Variants in SCG3 observed in about 807,000 individuals in gnomAD.
SCG3 encodes the protein secretogranin III.
In SCG3, 38 loss-of-function variants were observed where a neutral mutation model predicts 56.2. The observed-to-expected ratio is 0.68, with a 90% confidence interval of 0.52 to 0.89. The LOEUF is 0.89. Ranked by LOEUF, SCG3 falls within the 40% of genes least tolerant of loss-of-function variation. SCG3 has a pLI of 0.00. For synonymous variants in SCG3, 176 were observed against 184.2 expected, an observed-to-expected ratio of 0.96 and a Z score of 0.36; for missense variants, 524 against 540.7, an observed-to-expected ratio of 0.97 and a Z score of 0.31.
chr15:51,709,724 T>TA (rs2055406298), intron 10 of SCG3, among the ~76,000 whole-genome samples: 28 of 67,502 alleles, frequency 4.1e-4, no homozygotes, highest in South Asian at 6.2e-4. Context: ...TTTTTTTTTT[T>TA]TTTTTTTTTT....
Position 51,681,730 on chromosome 15 carries a change from C to T in SCG3, c.-26C>T. ...ACAGCTCCAGGAGCCCAGCGCCGGG[C>T]TGTGACCCAAGCCGAGCGTGGAAGA... On this transcript the variant is annotated 5_prime_UTR_variant, in exon 1 of 12. Coordinates refer to ENST00000220478, the MANE Select transcript of SCG3 (RefSeq NM_013243.4). 1.3e-6 allele frequency: 2 copies of T among 1,578,718 alleles called. No homozygotes were observed. The highest frequency in any genetic ancestry group is 1.7e-6 in the Non-Finnish European group (2 of 1,154,768).
chr15:51,690,410 C>T (rs78465903), intron 6 of SCG3, among the ~76,000 whole-genome samples: 8,589 of 152,162 alleles, frequency 0.056, 781 homozygotes, highest in African/African-American at 0.2. Context: ...CTCTGTAAAG[C>T]ACCCAGACCC....
intron 10 of SCG3, among the ~76,000 whole-genome samples, chr15:51,710,187 G>C (rs768839465): frequency 1.3e-5 from 2 of 152,038 alleles, no homozygotes; most frequent in African/African-American, 2.4e-5. Flanking sequence ...TGTCAGTCTT[G>C]TTCTAGGCAG....
intron 11 of SCG3, among the ~76,000 whole-genome samples, chr15:51,718,041 A>C (rs1483960665): frequency 6.6e-6 from 1 of 152,218 alleles, no homozygotes; most frequent in Non-Finnish European, 1.5e-5. Context: ...CAGGTCAGAG[A>C]GAAAGATTCT....
chr15:51,712,868 C>T (rs1261004194), intron 10 of SCG3, among the ~76,000 whole-genome samples: 2 of 152,212 alleles, frequency 1.3e-5, no homozygotes, highest in Non-Finnish European at 1.5e-5. Context: ...GAGCTGCTTA[C>T]ACAAAGCCAC....
intron 10 of SCG3, among the ~76,000 whole-genome samples, chr15:51,709,676 TATATATATATATATATATATATATA>T (rs1405595894): frequency 1.1e-3 from 13 of 11,396 alleles, no homozygotes; most frequent in African/African-American, 3.4e-3. Flanking sequence ...TATATATATA[TATATATATATATATATATATATATA>T]TTTTTTTTTT....
intron 10 of SCG3, among the ~76,000 whole-genome samples, chr15:51,709,678 TATATATATATATATA>T: frequency 8.3e-5 from 1 of 12,114 alleles, no homozygotes; most frequent in Non-Finnish European, 2.0e-4. Context: ...TATATATATA[TATATATATATATATA>T]TATATATATT....
chr15:51,686,668 G>A (rs1388623657), intron 4 of SCG3, among the ~76,000 whole-genome samples: 6 of 126,220 alleles, frequency 4.8e-5, no homozygotes, highest in African/African-American at 1.7e-4. Flanking sequence ...CAGCCAGGAG[G>A]AGAACTGATT....
chr15:51,707,182 C>T (rs1369522392), intron 10 of SCG3, among the ~76,000 whole-genome samples: 1 of 152,060 alleles, frequency 6.6e-6, no homozygotes, highest in Non-Finnish European at 1.5e-5. Context: ...CATTCCAGTG[C>T]TATCATTTAA....
At chr15:51,715,237 G>A (rs1239952491) in intron 11 of SCG3, 1 of 152,172 alleles carries the variant, frequency 6.6e-6, no homozygotes, top group African/African-American at 2.4e-5. Context: ...CATTGGGTTC[G>A]ATGCTCCCTT....
At chr15:51,695,736 G>A in intron 7 of SCG3, 139 bp from the exon 8 acceptor site, 1 of 602,470 alleles carries the variant, frequency 1.7e-6, no homozygotes, top group Admixed American at 3.0e-5. Flanking sequence ...ATTCCAGCCT[G>A]GGCCACACAG....
At chr15:51,690,952 G>A (rs929307117) in intron 6 of SCG3, among the ~76,000 whole-genome samples, 2 of 152,186 alleles carry the variant, frequency 1.3e-5, no homozygotes, top group Non-Finnish European at 2.9e-5. Context: ...AGTGGAAGAG[G>A]TAGATCATGT....
chr15:51,703,824 T>G (rs923844940), intron 10 of SCG3, among the ~76,000 whole-genome samples: 1 of 152,300 alleles, frequency 6.6e-6, no homozygotes, highest in South Asian at 2.1e-4. Flanking sequence ...TTTTCCTATC[T>G]TATACATTTT....
intron 10 of SCG3, among the ~76,000 whole-genome samples, chr15:51,708,673 G>A (rs2055391359): frequency 6.6e-6 from 1 of 152,142 alleles, no homozygotes; most frequent in South Asian, 2.1e-4. Flanking sequence ...GGCTAACATG[G>A]TGAAACCCCG....
At chr15:51,696,348 G>A (rs1046371533) in intron 8 of SCG3, among the ~76,000 whole-genome samples, 13 of 152,106 alleles carry the variant, frequency 8.5e-5, no homozygotes. Flanking sequence ...CCAAGAGTTC[G>A]AGACCAGCTT....
intron 10 of SCG3, among the ~76,000 whole-genome samples, chr15:51,704,240 C>CATATATATATAT (rs1314214604): frequency 2.1e-3 from 121 of 58,756 alleles, no homozygotes; most frequent in South Asian, 4.6e-3. Context: ...TACATACATA[C>CATATATATATAT]ATACATATAT....
intron 2 of SCG3, 103 bp from the exon 3 acceptor site, chr15:51,682,976 C>A: frequency 2.3e-6 from 2 of 883,620 alleles, no homozygotes; most frequent in South Asian, 1.8e-5. Context: ...ATTTTACAAA[C>A]AAGACAATTA....
chr15:51,697,057 TA>T (rs1326545017), intron 8 of SCG3, among the ~76,000 whole-genome samples: 1 of 152,026 alleles, frequency 6.6e-6, no homozygotes, highest in Non-Finnish European at 1.5e-5. Flanking sequence ...CAAAAAATCC[TA>T]AAAAGAAAGT....
At chr15:51,704,244 C>CATATAT (rs750951935) in intron 10 of SCG3, among the ~76,000 whole-genome samples, 3,313 of 73,326 alleles carry the variant, frequency 0.045, 87 homozygotes, top group Non-Finnish European at 0.051. Flanking sequence ...TACATACATA[C>CATATAT]ATATATATAT....
Sources: gnomAD v4.1 joint callset for allele counts (sites outside exome capture counted in the v4.1 genomes callset) on GRCh38, gnomAD v4.1.1 for gene constraint, MANE v1.5 for transcripts, NCBI Gene and HGNC (gene_info 2026-07-23, HGNC 2026-07-21) for gene names.